IQCM: variants seen among roughly 807,000 people sequenced by gnomAD.
IQCM encodes IQ domain-containing protein M.
In IQCM, 45 loss-of-function variants were observed where a neutral mutation model predicts 57.6. The ratio of observed to expected loss-of-function variants is 0.78; its 90% CI spans 0.62 to 1.00. IQCM has a LOEUF of 1.00. Ranked by LOEUF, IQCM falls within the 50% of genes least tolerant of loss-of-function variation. IQCM has a pLI of 0.00. For synonymous variants in IQCM, 148 were observed against 158.9 expected, an observed-to-expected ratio of 0.93 and a Z score of 0.51; for missense variants, 468 against 511.6, an observed-to-expected ratio of 0.91 and a Z score of 0.82.
At chr4:149,485,929 G>A (rs1741429239) in intron 12 of IQCM, among the ~76,000 whole-genome samples, 1 of 152,060 alleles carries the variant, frequency 6.6e-6, no homozygotes. Context: ...TATCACCTTG[G>A]TGGACTTGGA....
At chr4:149,453,852 T>C (rs997160893) in intron 12 of IQCM, among the ~76,000 whole-genome samples, 41 of 152,018 alleles carry the variant, frequency 2.7e-4, no homozygotes, top group Middle Eastern at 3.4e-3. Flanking sequence ...ACCCAGCAAC[T>C]CTACCCCTAG....
intron 13 of IQCM, among the ~76,000 whole-genome samples, chr4:149,410,040 C>T (rs1285879674): frequency 6.6e-6 from 1 of 152,128 alleles, no homozygotes; most frequent in Non-Finnish European, 1.5e-5. Flanking sequence ...AAAAATTAGC[C>T]AGGCATGGCG....
rs375930443 is a variant in IQCM at position 149,676,430 on chromosome 4, T to C, written c.565+5688A>G. ...TATTATGCATTAAAATTTATATGAA[T>C]GTAGGAAGTTGCGACTAATTATGGT... On this transcript the variant is annotated intron_variant, in intron 7 of 13. Coordinates refer to ENST00000636793, the MANE Select transcript of IQCM (RefSeq NM_001363507.2). Among the ~76,000 whole-genome samples the C allele has an allele frequency of 2.0e-5, 3 of 152,170 alleles. 1 individual carries two copies.
At chr4:149,492,907 A>C (rs1323603786) in intron 12 of IQCM, among the ~76,000 whole-genome samples, 1 of 152,150 alleles carries the variant, frequency 6.6e-6, no homozygotes, top group East Asian at 1.9e-4. Context: ...TCCAAAGGGC[A>C]GAGATCCTCC....
At chr4:149,761,768 AT>A (rs1407639309) in intron 2 of IQCM, among the ~76,000 whole-genome samples, 1 of 152,132 alleles carries the variant, frequency 6.6e-6, no homozygotes, top group Non-Finnish European at 1.5e-5. Flanking sequence ...AATTGCAGTG[AT>A]TTTGTTAGTA....
chr4:149,446,880 G>T (rs1242249131), intron 12 of IQCM, among the ~76,000 whole-genome samples: 1 of 151,410 alleles, frequency 6.6e-6, no homozygotes, highest in African/African-American at 2.4e-5. Context: ...TGTCAAGAAT[G>T]TTTTCAGCAA....
chr4:149,710,082 T>C (rs1394731777), intron 5 of IQCM, among the ~76,000 whole-genome samples: 1 of 152,108 alleles, frequency 6.6e-6, no homozygotes, highest in Non-Finnish European at 1.5e-5. Context: ...AGGAAATAAA[T>C]GACTAGAAAA....
At position 149,441,471 on chromosome 4, in the gene IQCM, T is replaced by G. The variant is rs555633240; in HGVS notation, c.1229-7914A>C. ...CCAGCTGGGCAAACTTGAGAACAGT[T>G]CTAAGTCTGAGAATAATCCTCTGTG... is the stretch of plus-strand genomic sequence containing the variant. On this transcript the variant is annotated intron_variant, in intron 12 of 13. Coordinates refer to ENST00000636793, the MANE Select transcript of IQCM (RefSeq NM_001363507.2). Among the ~76,000 whole-genome samples the G allele has an allele frequency of 7.9e-5, 12 of 152,290 alleles. No homozygotes were observed. In the South Asian group the frequency reaches 2.5e-3, roughly 32 times the overall value.
chr4:149,703,044 T>C (rs576933885), intron 5 of IQCM, among the ~76,000 whole-genome samples: 8 of 152,062 alleles, frequency 5.3e-5, no homozygotes, highest in African/African-American at 1.4e-4. Flanking sequence ...CAAGACGGTA[T>C]ACTAACATAG....
intron 12 of IQCM, among the ~76,000 whole-genome samples, chr4:149,458,214 A>G (rs1737907268): frequency 6.6e-6 from 1 of 152,072 alleles, no homozygotes; most frequent in Non-Finnish European, 1.5e-5. Context: ...TTTAAATTAC[A>G]TTAGCCACCT....
At chr4:149,387,853 T>C (rs1405163371) in intron 13 of IQCM, among the ~76,000 whole-genome samples, 1 of 151,206 alleles carries the variant, frequency 6.6e-6, no homozygotes, top group African/African-American at 2.4e-5. Context: ...CTACCTCTAC[T>C]CCTCAGCCTT....
intron 7 of IQCM, among the ~76,000 whole-genome samples, chr4:149,652,468 GA>G (rs201870864): frequency 1.3e-5 from 2 of 151,172 alleles, no homozygotes; most frequent in Admixed American, 6.6e-5. Flanking sequence ...AAAATTAAAA[GA>G]AAAAAAACAA....
chr4:149,648,525 C>A (rs1474995032), intron 7 of IQCM, among the ~76,000 whole-genome samples: 1 of 152,146 alleles, frequency 6.6e-6, no homozygotes, highest in Non-Finnish European at 1.5e-5. Flanking sequence ...GTCTTTATAG[C>A]AGCATGATTT....
rs72953686 is a variant in IQCM at position 149,404,530 on chromosome 4, G to C, written c.1390+28866C>G. On this transcript the variant is annotated intron_variant, in intron 13 of 13. Transcript: ENST00000636793. ...ACAAGAGGTGGAGATATTATGAAAA[G>C]TTTCAATACATGAATACAGAGCTAG... Among the ~76,000 whole-genome samples the C allele has an allele frequency of 3.2e-3, 482 of 152,138 alleles. 2 individuals are homozygous for C. The highest frequency in any genetic ancestry group is 0.011 in the African/African-American group (440 of 41,540).
rs1051563074 is a variant in IQCM at position 149,505,383 on chromosome 4, G to A, written c.1228+43072C>T. Among the ~76,000 whole-genome samples, 9 of 152,120 alleles carry A rather than the reference G, an allele frequency of 5.9e-5. No individual in the cohort carries two copies. The South Asian group carries it at 8.3e-4, about 14-fold the overall frequency. On this transcript the variant is annotated intron_variant, in intron 12 of 13. Coordinates refer to ENST00000636793, the MANE Select transcript of IQCM (RefSeq NM_001363507.2). ...GAGTTTATAGTTACATTGTATTGAC[G>A]AATACTCTTAGAGTTTCCCAATATA... is the stretch of plus-strand genomic sequence containing the variant.
In IQCM at chr4:149,769,357, T is replaced by A. The variant is rs10031899; in HGVS notation, c.-48-26618A>T. 5.9e-3 allele frequency among the ~76,000 whole-genome samples: 891 copies of A among 151,976 alleles called. 6 individuals are homozygous for A. Among genetic ancestry groups the A allele is most frequent in the African/African-American group, 0.018 (754 of 41,474 alleles). On this transcript the variant is annotated intron_variant, in intron 2 of 13. Transcript: ENST00000636793. ...GCTAACTCAAATTGACCACACAAAA[T>A]CCAACAACCCTTTATATCCAAAATG... is the stretch of plus-strand genomic sequence containing the variant.
chr4:149,739,123 C>T (rs17587127), intron 3 of IQCM, among the ~76,000 whole-genome samples: 65,140 of 151,886 alleles, frequency 0.43, 15,420 homozygotes, highest in Middle Eastern at 0.56. Flanking sequence ...AGGTCTGTTC[C>T]TTCTTTATTA....
At chr4:149,553,364 T>C in intron 10 of IQCM, 77 bp from the exon 11 acceptor site, 3 of 1,114,880 alleles carry the variant, frequency 2.7e-6, no homozygotes, top group Non-Finnish European at 3.4e-6. Flanking sequence ...ATTTAGTCTA[T>C]TTCACCTAGT....
At chr4:149,815,491 C>G (rs1484365278) in intron 1 of IQCM, 109 bp downstream of exon 1, 1 of 151,552 alleles carries the variant, frequency 6.6e-6, no homozygotes, top group African/African-American at 2.4e-5. Flanking sequence ...TTTCTTTGAA[C>G]AAATTCCATG....
Sources: gnomAD v4.1 joint callset for allele counts (sites outside exome capture counted in the v4.1 genomes callset) on GRCh38, gnomAD v4.1.1 for gene constraint, MANE v1.5 for transcripts, NCBI Gene and HGNC (gene_info 2026-07-23, HGNC 2026-07-21) for gene names.